Variants in CCR10 observed in about 807,000 individuals in gnomAD.
CCR10 encodes the protein C-C motif chemokine receptor 10, also known as C-C chemokine receptor type 10.
In CCR10, 11 loss-of-function variants were observed where a neutral mutation model predicts 11.9. The observed-to-expected ratio is 0.92, with a 90% CI of 0.58 to 1.53. The LOEUF is 1.53. Ranked by LOEUF, CCR10 falls within the 40% of genes most tolerant of loss-of-function variation. The pLI, the probability that CCR10 is intolerant of heterozygous loss-of-function variation, is 0.00. For missense variants in CCR10, 428 were observed against 496.6 expected (o/e 0.86, Z 1.31); for synonymous variants, 224 against 245.4 (o/e 0.91, Z 0.81).
Position 42,679,612 on chromosome 17 carries a change from G to C in CCR10, c.1030C>G (p.Pro344Ala), listed in dbSNP as rs1405645796. The C allele has an allele frequency of 6.7e-7, 1 of 1,483,060 alleles. No homozygotes were observed. The highest frequency in any genetic ancestry group is 1.5e-5 in the African/African-American group (1 of 67,570). 91.9% of individuals were successfully genotyped at this position (1,483,060 alleles called of 1,614,324 possible). ...GGAGCTGAGCAGGAAGAAAGGCGGG[G>C]CCGGCGGGGGCAGCCGCGGCGGGGT... Reference protein sequence around the residue: ...PQPRRGCPRRPRLSSCSAPTE... With the variant: ...PQPRRGCPRRARLSSCSAPTE... The change falls in exon 2 of 2, where the codon CCC (proline) becomes GCC (alanine). Residue 344 changes from proline to alanine, a missense_variant. Transcript: ENST00000332438.
intron 1 of CCR10, among the ~76,000 whole-genome samples, chr17:42,681,016 T>TTTATTA (rs905299035): frequency 6.6e-6 from 1 of 151,808 alleles, no homozygotes; most frequent in African/African-American, 2.4e-5. Flanking sequence ...ATTATTATTA[T>TTTATTA]TTATTATTAT....
rs1597800560 is a variant in CCR10, at chr17:42,680,505, C to G, written c.137G>C (p.Ser46Thr). ...VQAFSRAFQPSVSLTVAALGL... is the reference protein window; with the variant it reads ...VQAFSRAFQPTVSLTVAALGL... ...CAGCGCAGCCACGGTCAGGGAGACA[C>G]TGGGTTGGAAGGCCCGGCTGAAGGC... is the stretch of plus-strand genomic sequence containing the variant. The change falls in exon 2 of 2, where the codon AGT becomes ACT. Residue 46 changes from serine (S) to threonine (T), a missense_variant. Physicochemically the swap from Ser to Thr is moderately conservative, Grantham distance 58. Transcript: ENST00000332438. 4 of 1,612,330 alleles carry G rather than the reference C, an allele frequency of 2.5e-6. No individual in the cohort carries two copies. The highest frequency in any genetic ancestry group is 3.4e-6 in the Non-Finnish European group (4 of 1,179,628).
rs538095315 is a variant in CCR10 at position 42,679,721 on chromosome 17, G to C, written c.921C>G (p.Pro307=). ...GLALARCGLN[P]VLYAFLGLRF... is the part of the protein sequence containing the mutation. ...GCAGGCCCAGGAAGGCGTAGAGAAC[G>C]GGATTGAGGCCACAGCGGGCGAGGG... Residue 307 remains proline, a synonymous_variant, in exon 2 of 2, where the codon CCC becomes CCG. Transcript: ENST00000332438. The C allele has an allele frequency of 8.3e-6, 13 of 1,572,068 alleles. No individual in the cohort carries two copies. In the East Asian group the frequency reaches 2.6e-4, roughly 31 times the overall value.
rs1364161802 is a variant in CCR10, at chr17:42,680,460, A to G, written c.182T>C (p.Leu61Pro). The G allele has an allele frequency of 1.2e-6, 2 of 1,602,614 alleles. No homozygotes were observed. Among genetic ancestry groups the G allele is most frequent in the East Asian group, 4.5e-5 (2 of 44,274 alleles). The change falls in exon 2 of 2, where the codon CTG becomes CCG. Residue 61 changes from leucine (L) to proline (P), a missense_variant. Transcript: ENST00000332438. ...VAALGLAGNG[L>P]VLATHLAARR... ...GGCTGCCAGGTGGGTGGCCAGGACC[A>G]GGCCATTGCCGGCCAGACCCAGCGC...
chr17:42,681,782 C>T lies in CCR10; in HGVS notation c.24+18G>A. 6.3e-7 allele frequency: 1 copy of T among 1,593,800 alleles called. No individual in the cohort carries two copies. Among genetic ancestry groups the T allele is most frequent in the Non-Finnish European group, 8.6e-7 (1 of 1,161,528 alleles). On this transcript the variant is annotated intron_variant, in intron 1 of 1. Transcript: ENST00000332438. The stretch of plus-strand genomic sequence containing the variant: ...CCCTCTCTGTAACCCTTCTCCCCCT[C>T]CCTGCCCCCACTCCCACCTGCTCTG...
chr17:42,680,642 G>C, intron 1 of CCR10, 25 bp from the exon 2 acceptor site: 16 of 1,476,254 alleles, frequency 1.1e-5, no homozygotes, highest in Non-Finnish European at 1.5e-5. Flanking sequence ...TGAGAGGCGG[G>C]ATCTTATGAG....
Position 42,679,646 on chromosome 17 carries a change from T to A in CCR10, c.996A>T (p.Ser332=). 6.7e-7 allele frequency: 1 copy of A among 1,492,882 alleles called. No individual in the cohort carries two copies. Among genetic ancestry groups the A allele is most frequent in the Non-Finnish European group, 8.9e-7 (1 of 1,126,284 alleles). The allele number at this position is 1,492,882 out of a possible 1,614,324, so 92.5% of individuals were successfully genotyped here. The change falls in exon 2 of 2, where the codon TCA becomes TCT. Residue 332 remains serine (S), a synonymous_variant. Transcript: ENST00000332438. ...GGCAGCCGCGGCGGGGTTGAGGCCC[T>A]GAGGGGCAGCTCCCACCCCGTAGCA... The part of the protein sequence containing the change: ...RRLLRGGSCP[S]GPQPRRGCPR...
intron 1 of CCR10, among the ~76,000 whole-genome samples, chr17:42,680,917 C>T (rs187771096): frequency 2.9e-4 from 44 of 152,274 alleles, no homozygotes; most frequent in Middle Eastern, 3.4e-3. Context: ...CAGCCCACCT[C>T]TCAAGGTTTG....
In CCR10 at chr17:42,679,572, C is replaced by G. The variant is rs140554625; in HGVS notation, c.1070G>C (p.Ser357Thr). 916 of 1,481,092 alleles carry G rather than the reference C, an allele frequency of 6.2e-4. 6 individuals are homozygous for G. In the African/African-American group the frequency reaches 0.011, roughly 18 times the overall value. 91.7% of individuals were successfully genotyped at this position (1,481,092 alleles called of 1,614,324 possible). A position where few individuals can be genotyped will look rare whatever the true frequency, so the allele number is the denominator to read the frequency against. The change falls in exon 2 of 2, where the codon AGT (serine) becomes ACT (threonine). Residue 357 changes from serine to threonine, a missense_variant. By Grantham distance (58) the Ser-to-Thr change is moderately conservative. Transcript: ENST00000332438. ...SSCSAPTETH[S>T]LSWDN Reference sequence around the variant, plus strand: ...GCAGCCCTAGTTGTCCCAGGAGAGACTGTGGGTCTCCGTGGGAGCTGAGCA... The same window carrying G: ...GCAGCCCTAGTTGTCCCAGGAGAGAGTGTGGGTCTCCGTGGGAGCTGAGCA...
rs1168085185 is a variant in CCR10, at chr17:42,680,539, C to A, written c.103G>T (p.Asp35Tyr). 1.2e-6 allele frequency: 2 copies of A among 1,611,464 alleles called. No individual in the cohort carries two copies. The highest frequency in any genetic ancestry group is 1.1e-5 in the South Asian group (1 of 90,872). The change falls in exon 2 of 2, where the codon GAT (aspartate) becomes TAT (tyrosine). Residue 35 changes from aspartate to tyrosine, a missense_variant. Coordinates refer to ENST00000332438, the MANE Select transcript of CCR10 (RefSeq NM_016602.3). ...AAGGCCCGGCTGAAGGCCTGGACAT[C>A]GGCCTTGTAGCAAAGCTCCGGCAGT... ...EPLPELCYKA[D>Y]VQAFSRAFQP...
Position 42,680,418 on chromosome 17 carries a change from G to A in CCR10, c.224C>T (p.Ser75Leu), listed in dbSNP as rs1240492359. ...THLAARRAARSPTSAHLLQLA... is the reference protein window; with the variant it reads ...THLAARRAARLPTSAHLLQLA... The stretch of plus-strand genomic sequence containing the variant: ...CTGGAGCAGGTGGGCAGAGGTGGGC[G>A]AGCGCGCTGCGCGTCGGGCTGCCAG... The change falls in exon 2 of 2, where the codon TCG (serine) becomes TTG (leucine). Residue 75 changes from serine to leucine, a missense_variant. Ser to Leu is a moderately radical substitution (Grantham distance 145). Transcript: ENST00000332438. The A allele has an allele frequency of 3.2e-6, 5 of 1,569,570 alleles. No individual in the cohort carries two copies. Among genetic ancestry groups the A allele is most frequent in the South Asian group, 2.3e-5 (2 of 86,922 alleles).
Position 42,680,369 on chromosome 17 carries a change from C to T in CCR10, c.273G>A (p.Leu91=). ...LLQLALADLL[L]ALTLPFAAAG... ...CTGCCGCGAAGGGCAGAGTCAGGGC[C>T]AGCAAGAGGTCGGCCAGGGCCAGCT... Residue 91 remains leucine (L), a synonymous_variant, in exon 2 of 2, where the codon CTG becomes CTA. Coordinates refer to ENST00000332438, the MANE Select transcript of CCR10 (RefSeq NM_016602.3). The T allele has an allele frequency of 6.4e-7, 1 of 1,555,768 alleles. No individual in the cohort carries two copies. The highest frequency in any genetic ancestry group is 8.7e-7 in the Non-Finnish European group (1 of 1,149,726).
chr17:42,679,065 AC>A lies in CCR10; in HGVS notation c.*487del, dbSNP rs2052898194. On this transcript the variant is annotated 3_prime_UTR_variant, in exon 2 of 2. Transcript: ENST00000332438. ...CAGTCTGAACATTCCAATAGCGGGAACTCAGTATTTGCTAAGGCAGCCATTA... is the reference window on the plus strand; with the variant it reads ...CAGTCTGAACATTCCAATAGCGGGAATCAGTATTTGCTAAGGCAGCCATTA... 6.6e-6 allele frequency: 1 copy of A among 152,436 alleles called. No individual in the cohort carries two copies. Among genetic ancestry groups the A allele is most frequent in the South Asian group, 2.1e-4 (1 of 4,806 alleles). The allele number at this position is 152,436 out of a possible 1,614,324, so 9.4% of individuals were successfully genotyped here. A position where few individuals can be genotyped will look rare whatever the true frequency, so the allele number is the denominator to read the frequency against.
At position 42,679,827 on chromosome 17, in the gene CCR10, G is replaced by T; in HGVS notation, c.815C>A (p.Ala272Asp). The change falls in exon 2 of 2, where the codon GCC becomes GAC. Residue 272 changes from alanine to aspartate, a missense_variant. Transcript: ENST00000332438. ...PYSLALLLDT[A>D]DLLAARERSC... ...CCGCTCGCGCGCAGCCAGTAGATCG[G>T]CAGTATCCAGCAGCAGGGCGAGGCT... 1.2e-6 allele frequency: 2 copies of T among 1,608,064 alleles called. No homozygotes were observed. Among genetic ancestry groups the T allele is most frequent in the Non-Finnish European group, 1.7e-6 (2 of 1,178,458 alleles).
intron 1 of CCR10, among the ~76,000 whole-genome samples, chr17:42,681,057 C>G (rs757116497): frequency 2.0e-5 from 3 of 152,056 alleles, no homozygotes; most frequent in Admixed American, 6.6e-5. Flanking sequence ...TGCTCTGTCG[C>G]CCAGGCTGGA....
Position 42,680,409 on chromosome 17 carries a change from G to A in CCR10, c.233C>T (p.Ser78Phe), listed in dbSNP as rs1282202709. 26 of 1,565,142 alleles carry A rather than the reference G, an allele frequency of 1.7e-5. No homozygotes were observed. The highest frequency in any genetic ancestry group is 1.8e-5 in the Non-Finnish European group (21 of 1,155,128). The change falls in exon 2 of 2, where the codon TCT (serine) becomes TTT (phenylalanine). Residue 78 changes from serine (S) to phenylalanine (F), a missense_variant. Coordinates refer to ENST00000332438, the MANE Select transcript of CCR10 (RefSeq NM_016602.3). Reference protein sequence around the residue: ...AARRAARSPTSAHLLQLALAD... With the variant: ...AARRAARSPTFAHLLQLALAD... Reference sequence around the variant, plus strand: ...CAGGGCCAGCTGGAGCAGGTGGGCAGAGGTGGGCGAGCGCGCTGCGCGTCG... The same window carrying A: ...CAGGGCCAGCTGGAGCAGGTGGGCAAAGGTGGGCGAGCGCGCTGCGCGTCG...
rs1013623634 is a variant in CCR10, at chr17:42,680,211, C to T, written c.431G>A (p.Arg144Gln). The T allele has an allele frequency of 1.9e-6, 3 of 1,601,700 alleles. No individual in the cohort carries two copies. The highest frequency in any genetic ancestry group is 1.7e-5 in the Admixed American group (1 of 58,024). Residue 144 changes from arginine to glutamine, a missense_variant, in exon 2 of 2, where the codon CGA (arginine) becomes CAA (glutamine). Coordinates refer to ENST00000332438, the MANE Select transcript of CCR10 (RefSeq NM_016602.3). ...ISADRYVAIA[R>Q]ALPAGPRPST... ...GGGCCGCGGCCCGGCTGGGAGCGCT[C>T]GCGCGATGGCCACGTAGCGGTCGGC...
Position 42,680,540 on chromosome 17 carries a change from G to T in CCR10, c.102C>A (p.Ala34=), listed in dbSNP as rs918287007. ...AGGCCCGGCTGAAGGCCTGGACATCGGCCTTGTAGCAAAGCTCCGGCAGTG... is the reference window on the plus strand; with the variant it reads ...AGGCCCGGCTGAAGGCCTGGACATCTGCCTTGTAGCAAAGCTCCGGCAGTG... ...AEPLPELCYK[A]DVQAFSRAFQ... Residue 34 remains alanine, a synonymous_variant, in exon 2 of 2, where the codon GCC becomes GCA. Transcript: ENST00000332438. 3.7e-6 allele frequency: 6 copies of T among 1,611,260 alleles called. No individual in the cohort carries two copies. The African/African-American group carries it at 8.0e-5, about 21-fold the overall frequency.
Position 42,679,881 on chromosome 17 carries a change from G to T in CCR10, c.761C>A (p.Ala254Glu), listed in dbSNP as rs1205519762. ...GGGCAGCTGCAGCACCACGAAGGCC[G>T]CCACCAGAGCCACCACGACGCGCAG... ...RALRVVVALV[A>E]AFVVLQLPYS... Residue 254 changes from alanine (A) to glutamate (E), a missense_variant, in exon 2 of 2, where the codon GCG (alanine) becomes GAG (glutamate). By Grantham distance (107) the Ala-to-Glu change is moderately radical. Transcript: ENST00000332438. The T allele has an allele frequency of 6.3e-7, 1 of 1,583,556 alleles. No individual in the cohort carries two copies. Among genetic ancestry groups the T allele is most frequent in the East Asian group, 2.3e-5 (1 of 43,128 alleles).
Sources: allele counts gnomAD v4.1 joint callset (sites outside exome capture counted in the v4.1 genomes callset), GRCh38; gene constraint gnomAD v4.1.1; transcripts MANE v1.5; gene names NCBI Gene and HGNC (gene_info 2026-07-23, HGNC 2026-07-21).